Variants in LTBP2 observed in about 807,000 individuals in gnomAD.
LTBP2 encodes latent-transforming growth factor beta-binding protein 2.
A neutral mutation model predicts 210.6 loss-of-function variants in LTBP2; 103 were observed. That is an observed-to-expected ratio of 0.49 (90% CI 0.42 to 0.58). The LOEUF (loss-of-function observed/expected upper bound fraction) is 0.58. LTBP2 is among the 20% of genes least tolerant of loss of function. The probability of loss-of-function intolerance (pLI) is 0.00; values close to 1 mark genes in which losing one functional copy is unlikely to be tolerated. For synonymous variants in LTBP2, 1,007 were observed against 1,015.0 expected (o/e 0.99, Z 0.15); for missense variants, 2,313 against 2,494.5 (o/e 0.93, Z 1.55).
At chr14:74,603,760 T>C in intron 1 of LTBP2, 55 bp from the exon 2 acceptor site, 1 of 1,436,514 alleles carries the variant, frequency 7.0e-7, no homozygotes. Flanking sequence ...TGGGGACTAT[T>C]CACAGCCCCT....
intron 1 of LTBP2, among the ~76,000 whole-genome samples, chr14:74,607,990 G>C (rs546826407): frequency 6.7e-6 from 1 of 149,530 alleles, no homozygotes; most frequent in East Asian, 2.0e-4. Context: ...GCGCAATCTC[G>C]GCTCACTGCA....
intron 3 of LTBP2, among the ~76,000 whole-genome samples, chr14:74,567,467 G>A (rs999114924): frequency 3.3e-5 from 5 of 152,262 alleles, no homozygotes; most frequent in Middle Eastern, 3.4e-3. Flanking sequence ...GGGCAGAGGC[G>A]GGGTGGGGGT....
At chr14:74,530,491 G>A (rs539443240) in intron 10 of LTBP2, among the ~76,000 whole-genome samples, 53 of 152,320 alleles carry the variant, frequency 3.5e-4, no homozygotes, top group African/African-American at 1.2e-3. Flanking sequence ...GCCATACCAC[G>A]TCTGCACTTC....
Position 74,611,622 on chromosome 14 carries a change from CG to C in LTBP2, c.322del (p.Arg108AlafsTer172). On this transcript the variant is annotated frameshift_variant, in exon 1 of 36. Coordinates refer to ENST00000261978, the MANE Select transcript of LTBP2 (RefSeq NM_000428.3). LOFTEE classifies it high-confidence loss of function. The stretch of plus-strand genomic sequence containing the variant: ...CTGGACACGCCGCGACTGCTGCGCG[CG>C]GGACGGCCTCCTGGCCTCCGCCTCG... Reference protein sequence around the residue: ...PTEAEARRPSRAQQSRRVQPP... With the variant: ...PTEAEARRPSXAQQSRRVQPP... 1 of 1,560,162 alleles carries C rather than the reference CG, an allele frequency of 6.4e-7. No homozygotes were observed.
At chr14:74,540,635 G>T (rs1286981157) in intron 8 of LTBP2, among the ~76,000 whole-genome samples, 1 of 146,330 alleles carries the variant, frequency 6.8e-6, no homozygotes, top group African/African-American at 2.5e-5. Flanking sequence ...TGTGGTGGCG[G>T]GTGCCTGTAG....
intron 3 of LTBP2, among the ~76,000 whole-genome samples, chr14:74,575,964 C>T (rs754302565): frequency 1.3e-5 from 2 of 152,188 alleles, no homozygotes; most frequent in Non-Finnish European, 2.9e-5. Flanking sequence ...GTCATGGGGG[C>T]TCTTCTAAGG....
chr14:74,600,487 T>C (rs1017912250), intron 2 of LTBP2, among the ~76,000 whole-genome samples: 2 of 152,120 alleles, frequency 1.3e-5, no homozygotes, highest in African/African-American at 2.4e-5. Context: ...TGTAACAGTA[T>C]GCAAACTCAC....
chr14:74,562,575 A>C (rs930514851), intron 3 of LTBP2, among the ~76,000 whole-genome samples: 1 of 152,176 alleles, frequency 6.6e-6, no homozygotes, highest in African/African-American at 2.4e-5. Flanking sequence ...AATGTCAGAG[A>C]CCAACAGCCT....
intron 3 of LTBP2, among the ~76,000 whole-genome samples, chr14:74,585,255 G>A (rs930060213): frequency 6.6e-6 from 1 of 152,156 alleles, no homozygotes; most frequent in Non-Finnish European, 1.5e-5. Context: ...CTGAAGCTGG[G>A]TGCCGAGGAA....
Position 74,528,596 on chromosome 14 carries a change from G to A in LTBP2, c.2255C>T (p.Pro752Leu), listed in dbSNP as rs1260086848. 1.2e-6 allele frequency: 2 copies of A among 1,613,570 alleles called. No homozygotes were observed. The highest frequency in any genetic ancestry group is 1.1e-5 in the South Asian group (1 of 91,082). Residue 752 changes from proline to leucine, a missense_variant, in exon 12 of 36, where the codon CCC becomes CTC. Transcript: ENST00000261978. ...RKAEEEELARPPREQGQRSSG... is the reference protein window; with the variant it reads ...RKAEEEELARLPREQGQRSSG... ...GCTCCTCTGCCCTTGCTCCCTTGGG[G>A]GCCTTGCCAGTTCCTCCTCCTCGGC... is the stretch of plus-strand genomic sequence containing the variant.
At chr14:74,599,779 G>A (rs2088419579) in intron 2 of LTBP2, among the ~76,000 whole-genome samples, 1 of 152,250 alleles carries the variant, frequency 6.6e-6, no homozygotes, top group Middle Eastern at 3.2e-3. Context: ...GATTGATTCT[G>A]CCAGAGGCAA....
intron 34 of LTBP2, 145 bp downstream of exon 34, chr14:74,502,508 C>T (rs920344252): frequency 3.5e-5 from 38 of 1,091,974 alleles, no homozygotes; most frequent in African/African-American, 3.1e-4. Flanking sequence ...TTGTCTCAAG[C>T]GAGCCGTGAA....
chr14:74,608,211 C>T (rs1234844614), intron 1 of LTBP2, among the ~76,000 whole-genome samples: 4 of 151,982 alleles, frequency 2.6e-5, no homozygotes, highest in South Asian at 2.1e-4. Flanking sequence ...TGAGCCACCG[C>T]GCCCGGCCAA....
Position 74,585,931 on chromosome 14 carries a change from C to G in LTBP2, c.753G>C (p.Ala251=). 1 of 1,613,914 alleles carries G rather than the reference C, an allele frequency of 6.2e-7. No individual in the cohort carries two copies. The highest frequency in any genetic ancestry group is 8.5e-7 in the Non-Finnish European group (1 of 1,179,934). The change falls in exon 3 of 36, where the codon GCG becomes GCC. Residue 251 remains alanine, a synonymous_variant. Transcript: ENST00000261978. The part of the protein sequence containing the change: ...ERSPNLRRSS[A]AGEGTLARAQ... ...CTCTGGCCAAGGTGCCCTCTCCAGC[C>G]GCACTGCTCCTGCGCAGGTTGGGTG...
intron 3 of LTBP2, among the ~76,000 whole-genome samples, chr14:74,556,769 T>C (rs1034954061): frequency 6.6e-6 from 1 of 152,194 alleles, no homozygotes; most frequent in Admixed American, 6.5e-5. Flanking sequence ...CCGCCCACCT[T>C]GGCCTCCCAA....
At chr14:74,610,507 G>A (rs752172556) in intron 1 of LTBP2, among the ~76,000 whole-genome samples, 4 of 152,218 alleles carry the variant, frequency 2.6e-5, no homozygotes, top group Non-Finnish European at 4.4e-5. Flanking sequence ...GGCAAAGAGA[G>A]GCTGCCAAAG....
chr14:74,514,306 GAC>G (rs2087108201), intron 18 of LTBP2, among the ~76,000 whole-genome samples: 1 of 152,216 alleles, frequency 6.6e-6, no homozygotes, highest in African/African-American at 2.4e-5. Context: ...GCCCATGGCC[GAC>G]ACAGCTGGTG....
At chr14:74,527,246 C>G in intron 13 of LTBP2, 101 bp downstream of exon 13, 1 of 1,395,268 alleles carries the variant, frequency 7.2e-7, no homozygotes, top group East Asian at 2.5e-5. Flanking sequence ...CATCTTTCTC[C>G]CTCTCCCTCC....
chr14:74,500,768 G>T lies in LTBP2; in HGVS notation c.*116C>A. 7.1e-7 allele frequency: 1 copy of T among 1,401,130 alleles called. No homozygotes were observed. Among genetic ancestry groups the T allele is most frequent in the Non-Finnish European group, 1.0e-6 (1 of 992,842 alleles). 86.8% of individuals were successfully genotyped at this position (1,401,130 alleles called of 1,614,324 possible). ...GGGAGAGATGAAAGCAGGCAAGGCT[G>T]ATTGGAAACCTCTGGCCTGATGTCA... On this transcript the variant is annotated 3_prime_UTR_variant, in exon 36 of 36. Coordinates refer to ENST00000261978, the MANE Select transcript of LTBP2 (RefSeq NM_000428.3).
Sources: gnomAD v4.1 joint callset for allele counts (sites outside exome capture counted in the v4.1 genomes callset) on GRCh38, gnomAD v4.1.1 for gene constraint, MANE v1.5 for transcripts, NCBI Gene and HGNC (gene_info 2026-07-23, HGNC 2026-07-21) for gene names.